Variants in IFT122 observed in about 807,000 individuals in gnomAD.
IFT122 encodes the protein intraflagellar transport protein 122 homolog.
Under a neutral mutation model 161.6 loss-of-function variants are expected in IFT122, and 118 were observed. The ratio of observed to expected loss-of-function variants is 0.73; its 90% CI spans 0.63 to 0.85. The LOEUF is 0.85. IFT122 is among the 40% of genes least tolerant of loss of function. The pLI is 0.00. For missense variants in IFT122, 1,381 were observed against 1,579.6 expected, an observed-to-expected ratio of 0.87 and a Z score of 2.13; for synonymous variants, 550 against 602.4, an observed-to-expected ratio of 0.91 and a Z score of 1.27.
chr3:129,479,759 C>T (rs2078412478), intron 12 of IFT122, 26 bp from the exon 13 acceptor site: 1 of 1,613,556 alleles, frequency 6.2e-7, no homozygotes, highest in African/African-American at 1.3e-5. Flanking sequence ...GTTGAATTTC[C>T]ATGCAGAGCT....
At chr3:129,501,415 GGTGT>G (rs992003068) in intron 19 of IFT122, among the ~76,000 whole-genome samples, 14 of 152,280 alleles carry the variant, frequency 9.2e-5, no homozygotes, top group African/African-American at 3.4e-4. Flanking sequence ...ATTAATAATT[GGTGT>G]GTGGGCCCCT....
intron 9 of IFT122, among the ~76,000 whole-genome samples, chr3:129,471,969 C>A (rs1203367138): frequency 6.6e-6 from 1 of 152,114 alleles, no homozygotes; most frequent in African/African-American, 2.4e-5. Context: ...GTTATCATCA[C>A]CATTTTACAT....
Position 129,512,418 on chromosome 3 carries a change from CT to C in IFT122, c.2987+9del. On this transcript the variant is annotated splice_region_variant and intron_variant, in intron 24 of 29. Transcript: ENST00000348417. ...CCCTCGGGCATCTCTAAAGTGTATC[CT>C]TTCTCTTATCCCTCCTCCGTCCCAC... 6.3e-7 allele frequency: 1 copy of C among 1,581,938 alleles called. No individual in the cohort carries two copies. Among genetic ancestry groups the C allele is most frequent in the Non-Finnish European group, 8.7e-7 (1 of 1,150,568 alleles).
rs753082442 is a variant in IFT122, at chr3:129,467,039, AGGACGACAGTCCCAG to A, written c.722_736del (p.Ser241_Asp245del). On this transcript the variant is annotated inframe_deletion, in exon 8 of 30. Transcript: ENST00000348417. ...GCAGAGGAGGAAGAACCAGAGGAAGAGGACGACAGTCCCAGGGACGACAACTTGTGAGTGTGTCCC... is the reference window on the plus strand; with the variant it reads ...GCAGAGGAGGAAGAACCAGAGGAAGAGGACGACAACTTGTGAGTGTGTCCC... 6 of 1,614,008 alleles carry A rather than the reference AGGACGACAGTCCCAG, an allele frequency of 3.7e-6. No individual in the cohort carries two copies. The highest frequency in any genetic ancestry group is 1.7e-5 in the Admixed American group (1 of 60,012).
At chr3:129,517,295 CACACACAG>C (rs746788932) in intron 26 of IFT122, among the ~76,000 whole-genome samples, 166 bp from the exon 27 acceptor site, 91 of 150,236 alleles carry the variant, frequency 6.1e-4, no homozygotes, top group Middle Eastern at 3.5e-3. Flanking sequence ...CACACACACA[CACACACAG>C]AGACTGCTCC....
chr3:129,489,755 C>T lies in IFT122; in HGVS notation c.1992+1358C>T, dbSNP rs933663033. Among the ~76,000 whole-genome samples, 7 of 150,304 alleles carry T rather than the reference C, an allele frequency of 4.7e-5. No individual in the cohort carries two copies. In the Admixed American group the frequency reaches 4.7e-4, roughly 10 times the overall value. The stretch of plus-strand genomic sequence containing the variant: ...TCCGGAGGCTGAGGCAGGAGAATGG[C>T]GTGAACCTGGGAGGCGGAGCGTGCA... On this transcript the variant is annotated intron_variant, in intron 16 of 29. Coordinates refer to ENST00000348417, the MANE Select transcript of IFT122 (RefSeq NM_052989.3).
chr3:129,496,964 G>A (rs565468787), intron 18 of IFT122, among the ~76,000 whole-genome samples: 1 of 152,312 alleles, frequency 6.6e-6, no homozygotes, highest in African/African-American at 2.4e-5. Context: ...CCTCCTCAAG[G>A]AGGCAGCTGT....
chr3:129,517,688 G>T, intron 27 of IFT122, 94 bp downstream of exon 27: 1 of 1,495,626 alleles, frequency 6.7e-7, no homozygotes, highest in Non-Finnish European at 9.2e-7. Context: ...AGGGGATCGC[G>T]GGCCATGCTG....
chr3:129,514,737 C>T, intron 25 of IFT122, 183 bp downstream of exon 25: 1 of 738,054 alleles, frequency 1.4e-6, no homozygotes. Context: ...TCCTGTTCTC[C>T]CCGCAGTCCA....
intron 18 of IFT122, among the ~76,000 whole-genome samples, chr3:129,497,644 C>T (rs1330580765): frequency 1.3e-5 from 2 of 152,144 alleles, no homozygotes; most frequent in Admixed American, 1.3e-4. Flanking sequence ...ACTCCATTTG[C>T]TCCGTCTCTC....
At chr3:129,456,236 A>G in intron 3 of IFT122, 1 of 1,284,860 alleles carries the variant, frequency 7.8e-7, no homozygotes, top group Non-Finnish European at 1.0e-6. Context: ...CCTGCTACCT[A>G]CCAGGATGAG....
Position 129,476,407 on chromosome 3 carries a change from A to C in IFT122, c.909A>C (p.Gln303His). Residue 303 changes from glutamine (Q) to histidine (H), a missense_variant, in exon 10 of 30, where the codon CAA becomes CAC. Physicochemically the swap from Gln to His is conservative, Grantham distance 24 (BLOSUM62 0). Around this residue, in one of 7 missense-constraint regions of IFT122, gnomAD observed 544 missense variants for 648.0 expected, o/e 0.84. Coordinates refer to ENST00000348417, the MANE Select transcript of IFT122 (RefSeq NM_052989.3). Reference protein sequence around the residue: ...EYILLGGSDKQVSLFTKDGVR... With the variant: ...EYILLGGSDKHVSLFTKDGVR... ...TTTTGCTGGGGGGTTCAGACAAGCA[A>C]GTATCTCTTTTCACCAAGGATGGAG... is the stretch of plus-strand genomic sequence containing the variant. 2 of 1,614,154 alleles carry C rather than the reference A, an allele frequency of 1.2e-6. No individual in the cohort carries two copies. The highest frequency in any genetic ancestry group is 1.7e-6 in the Non-Finnish European group (2 of 1,180,038).
At chr3:129,513,713 A>C (rs934806135) in intron 24 of IFT122, 1 of 166,136 alleles carries the variant, frequency 6.0e-6, no homozygotes, top group African/African-American at 2.4e-5. Flanking sequence ...CTCTCCACAG[A>C]ACTGCTGAAG....
chr3:129,455,154 C>T (rs2075318716), intron 3 of IFT122, among the ~76,000 whole-genome samples: 1 of 151,882 alleles, frequency 6.6e-6, no homozygotes, highest in Non-Finnish European at 1.5e-5. Flanking sequence ...TCTGATTTCT[C>T]CTTTAAGTTC....
At chr3:129,463,301 A>C (rs773274390) in intron 5 of IFT122, 2 of 441,348 alleles carry the variant, frequency 4.5e-6, no homozygotes, top group Non-Finnish European at 4.2e-6. Flanking sequence ...ACTTAGTGTC[A>C]TATCTACTCA....
At chr3:129,474,645 A>C (rs1398919064) in intron 9 of IFT122, among the ~76,000 whole-genome samples, 3 of 152,280 alleles carry the variant, frequency 2.0e-5, no homozygotes, top group Middle Eastern at 3.4e-3. Flanking sequence ...AGCACCTGTG[A>C]GGATGTGGAG....
intron 3 of IFT122, among the ~76,000 whole-genome samples, chr3:129,455,494 G>A (rs1200269321): frequency 6.6e-6 from 1 of 151,982 alleles, no homozygotes; most frequent in Admixed American, 6.6e-5. Context: ...TATTTAATGA[G>A]CAACCATGAT....
Position 129,476,388 on chromosome 3 carries a change from T to TG in IFT122, c.896dup (p.Ser300PhefsTer69). 3 of 1,614,136 alleles carry TG rather than the reference T, an allele frequency of 1.9e-6. No homozygotes were observed. The highest frequency in any genetic ancestry group is 2.5e-6 in the Non-Finnish European group (3 of 1,180,022). ...TTTACTAAAGGCGAGTACATTTTGCTGGGGGGTTCAGACAAGCAAGTATCT... is the reference window on the plus strand; with the variant it reads ...TTTACTAAAGGCGAGTACATTTTGCTGGGGGGGTTCAGACAAGCAAGTATCT... On this transcript the variant is annotated frameshift_variant, in exon 10 of 30. Coordinates refer to ENST00000348417, the MANE Select transcript of IFT122 (RefSeq NM_052989.3). LOFTEE classifies it high-confidence loss of function.
chr3:129,458,639 T>G lies in IFT122; in HGVS notation c.234T>G (p.Ile78Met). 1 of 1,614,140 alleles carries G rather than the reference T, an allele frequency of 6.2e-7. No individual in the cohort carries two copies. Among genetic ancestry groups the G allele is most frequent in the South Asian group, 1.1e-5 (1 of 91,082 alleles). Residue 78 changes from isoleucine (I) to methionine (M), a missense_variant, in exon 4 of 30, where the codon ATT (isoleucine) becomes ATG (methionine). By Grantham distance (10) the Ile-to-Met change is conservative. Coordinates refer to ENST00000348417, the MANE Select transcript of IFT122 (RefSeq NM_052989.3). ...FASGSADKSV[I>M]IWTSKLEGIL... ...CTGGATCAGCTGACAAAAGCGTTATTATCTGGACATCAAAACTGGAAGGCA... is the reference window on the plus strand; with the variant it reads ...CTGGATCAGCTGACAAAAGCGTTATGATCTGGACATCAAAACTGGAAGGCA...
Sources: gnomAD v4.1 joint callset for allele counts (sites outside exome capture counted in the v4.1 genomes callset) on GRCh38, gnomAD v4.1.1 for gene constraint, gnomAD v4.1.1 regional missense constraint, MANE v1.5 for transcripts, NCBI Gene and HGNC (gene_info 2026-07-23, HGNC 2026-07-21) for gene names.